The following CPNE4 variants were observed in gnomAD, a reference collection of about 807,000 sequenced individuals.
CPNE4 encodes copine-4.
CPNE4 carries 25 observed loss-of-function variants against 67.9 expected under a neutral mutation model. The ratio of observed to expected loss-of-function variants is 0.37; its 90% CI spans 0.27 to 0.51. The LOEUF (loss-of-function observed/expected upper bound fraction) is 0.51, where lower values mean the gene tolerates loss of function less well. CPNE4 is among the 20% of genes least tolerant of loss of function. The pLI is 0.93. For synonymous variants in CPNE4, 242 were observed against 244.9 expected (o/e 0.99, Z 0.11); for missense variants, 464 against 690.8 (o/e 0.67, Z 3.68).
chr3:132,023,689 G>A lies in CPNE4; in HGVS notation c.-2+10878C>T, dbSNP rs1276400516. On this transcript the variant is annotated intron_variant, in intron 1 of 15. Coordinates refer to ENST00000429747, the MANE Select transcript of CPNE4 (RefSeq NM_130808.3). Reference sequence around the variant, plus strand: ...TTTTTAGTAGAGACGGGGTTTCACCGTTTTAGCCGGGATGGTCTCGATCTC... The same window carrying A: ...TTTTTAGTAGAGACGGGGTTTCACCATTTTAGCCGGGATGGTCTCGATCTC... Among the ~76,000 whole-genome samples the A allele has an allele frequency of 6.6e-5, 10 of 151,954 alleles. No homozygotes were observed. The South Asian group carries it at 1.0e-3, about 16-fold the overall frequency.
chr3:131,555,404 T>A, intron 12 of CPNE4, 93 bp downstream of exon 12: 1 of 1,081,880 alleles, frequency 9.2e-7, no homozygotes, highest in Non-Finnish European at 1.4e-6. Context: ...CACAGTTAGG[T>A]CAGAGTCAGG....
At chr3:131,551,230 T>C (rs547106181) in intron 13 of CPNE4, among the ~76,000 whole-genome samples, 2 of 152,174 alleles carry the variant, frequency 1.3e-5, no homozygotes, top group South Asian at 2.1e-4. Context: ...CCCAACCTCA[T>C]TGGCAATCCT....
chr3:131,535,294 A>G lies in CPNE4; in HGVS notation c.1575T>C (p.Ala525=). The G allele has an allele frequency of 6.2e-7, 1 of 1,613,884 alleles. No individual in the cohort carries two copies. Among genetic ancestry groups the G allele is most frequent in the East Asian group, 2.2e-5 (1 of 44,864 alleles). The change falls in exon 16 of 16, where the codon GCT becomes GCC. Residue 525 remains alanine (A), a synonymous_variant. Transcript: ENST00000429747. ...SPAALAKSVL[A]EVPNQVVDYY... ...AGTCCACAACTTGGTTTGGGACTTC[A>G]GCCAGCACGCTCTTTGCCAGGGCAG...
chr3:131,735,088 C>T (rs145057513), intron 2 of CPNE4, among the ~76,000 whole-genome samples: 11 of 152,202 alleles, frequency 7.2e-5, no homozygotes, highest in African/African-American at 2.2e-4. Context: ...TAAACATAAA[C>T]ATACACATAC....
At chr3:131,873,103 C>G (rs2107698579) in intron 2 of CPNE4, among the ~76,000 whole-genome samples, 1 of 152,242 alleles carries the variant, frequency 6.6e-6, no homozygotes, top group East Asian at 1.9e-4. Context: ...GAAAAGATAG[C>G]TCTTATCACA....
At chr3:131,779,160 A>C (rs895083905) in intron 2 of CPNE4, among the ~76,000 whole-genome samples, 13 of 152,082 alleles carry the variant, frequency 8.5e-5, no homozygotes, top group Non-Finnish European at 1.3e-4. Context: ...TGAGAATTAT[A>C]AAACACTGCT....
At chr3:131,993,916 T>A (rs1268542808) in intron 1 of CPNE4, among the ~76,000 whole-genome samples, 1 of 135,734 alleles carries the variant, frequency 7.4e-6, no homozygotes, top group Non-Finnish European at 1.7e-5. Context: ...ATTATTTACA[T>A]AGAAAATCCT....
chr3:131,952,675 T>G (rs2071797612), intron 1 of CPNE4, among the ~76,000 whole-genome samples: 1 of 149,742 alleles, frequency 6.7e-6, no homozygotes. Context: ...GGGGCGCCTC[T>G]GCCCGGCCGC....
Position 131,644,090 on chromosome 3 carries a change from C to T in CPNE4, c.681+25585G>A, listed in dbSNP as rs376891015. 1.4e-4 allele frequency among the ~76,000 whole-genome samples: 21 copies of T among 152,212 alleles called. No homozygotes were observed. The South Asian group carries it at 4.2e-3, about 30-fold the overall frequency. On this transcript the variant is annotated intron_variant, in intron 7 of 15. Transcript: ENST00000429747. ...GGTTCTCAAGCTTTAGCATGCATCA[C>T]CCAGAGGGCTTGAATTTCTGCTTTA...
At chr3:131,938,456 A>G (rs776869600) in intron 1 of CPNE4, among the ~76,000 whole-genome samples, 1 of 152,128 alleles carries the variant, frequency 6.6e-6, no homozygotes, top group East Asian at 1.9e-4. Context: ...GTCTCAAACA[A>G]TAATGTATTA....
chr3:131,742,217 C>T (rs892592218), intron 2 of CPNE4, among the ~76,000 whole-genome samples: 2 of 152,182 alleles, frequency 1.3e-5, no homozygotes, highest in Admixed American at 1.3e-4. Context: ...CCTTATGCAA[C>T]TCACTGAAGG....
At chr3:131,641,187 A>C (rs150068754) in intron 7 of CPNE4, among the ~76,000 whole-genome samples, 2 of 152,194 alleles carry the variant, frequency 1.3e-5, no homozygotes, top group African/African-American at 2.4e-5. Context: ...TAAACCAAAA[A>C]GCTTCTGCAC....
intron 3 of CPNE4, among the ~76,000 whole-genome samples, chr3:131,708,995 T>TATATATATATATATATATATATATAC (rs1366246304): frequency 3.7e-5 from 4 of 109,114 alleles, no homozygotes; most frequent in Non-Finnish European, 5.5e-5. Context: ...TATATATATA[T>TATATATATATATATATATATATATAC]ACATACACAC....
intron 1 of CPNE4, among the ~76,000 whole-genome samples, chr3:131,953,238 T>TA (rs369308316): frequency 0.1 from 7,676 of 75,220 alleles, 542 homozygotes; most frequent in Non-Finnish European, 0.12. Flanking sequence ...GAATGATCAA[T>TA]TAAAAAAAAA....
chr3:131,535,673 T>C (rs956384866), intron 15 of CPNE4, among the ~76,000 whole-genome samples: 1 of 152,116 alleles, frequency 6.6e-6, no homozygotes, highest in Admixed American at 6.5e-5. Flanking sequence ...GGTTTGAGGG[T>C]CTATGGTTCT....
intron 2 of CPNE4, among the ~76,000 whole-genome samples, chr3:131,831,967 G>A (rs750155955): frequency 2.0e-4 from 30 of 152,160 alleles, no homozygotes; most frequent in African/African-American, 3.1e-4. Context: ...CAAACCAGGT[G>A]TTTTAAATGT....
chr3:131,576,176 G>T (rs1255019995), intron 9 of CPNE4, among the ~76,000 whole-genome samples: 9 of 151,910 alleles, frequency 5.9e-5, no homozygotes, highest in Non-Finnish European at 1.2e-4. Flanking sequence ...ATCAGTGTTG[G>T]TCTCTCTAGA....
chr3:131,829,489 T>A lies in CPNE4; in HGVS notation c.180+75775A>T, dbSNP rs377350055. On this transcript the variant is annotated intron_variant, in intron 2 of 15. Coordinates refer to ENST00000429747, the MANE Select transcript of CPNE4 (RefSeq NM_130808.3). The stretch of plus-strand genomic sequence containing the variant: ...GGACAGTATCTTTATACCATTATGA[T>A]CCCAGTGCCTGGCACATGGCCGAAG... Among the ~76,000 whole-genome samples the A allele has an allele frequency of 2.2e-4, 34 of 152,314 alleles. 1 individual carries two copies. Among genetic ancestry groups the A allele is most frequent in the African/African-American group, 8.2e-4 (34 of 41,584 alleles).
chr3:131,603,410 T>C (rs1939318846), intron 7 of CPNE4, among the ~76,000 whole-genome samples: 1 of 152,156 alleles, frequency 6.6e-6, no homozygotes, highest in Non-Finnish European at 1.5e-5. Context: ...GTTGCTTGGA[T>C]GAATGAGTGA....
Sources: allele counts gnomAD v4.1 joint callset (sites outside exome capture counted in the v4.1 genomes callset), GRCh38; gene constraint gnomAD v4.1.1; transcripts MANE v1.5; gene names NCBI Gene and HGNC (gene_info 2026-07-23, HGNC 2026-07-21).